The following ICOS variants were observed in gnomAD, a reference collection of about 807,000 sequenced individuals.
ICOS encodes inducible T cell costimulator, also known as inducible T-cell costimulator.
ICOS carries 15 observed loss-of-function variants against 24.6 expected under a neutral mutation model. The observed-to-expected ratio is 0.61, with a 90% CI of 0.41 to 0.94. The LOEUF (loss-of-function observed/expected upper bound fraction) is 0.94. Among genes scored for constraint, ICOS ranks in the 40% least tolerant of loss-of-function variants. ICOS has a pLI of 0.00. For missense variants in ICOS, 200 were observed against 233.0 expected (o/e 0.86, Z 0.92); for synonymous variants, 89 against 77.5 (o/e 1.15, Z -0.78).
At chr2:203,951,354 A>G (rs1689970599) in intron 1 of ICOS, among the ~76,000 whole-genome samples, 1 of 152,310 alleles carries the variant, frequency 6.6e-6, no homozygotes, top group East Asian at 1.9e-4. Flanking sequence ...TTGCAGTCTT[A>G]TCTGGATATA....
Position 203,951,822 on chromosome 2 carries a change from G to A in ICOS, c.59-3814G>A, listed in dbSNP as rs148226894. 9.1e-4 allele frequency among the ~76,000 whole-genome samples: 139 copies of A among 152,214 alleles called. 1 individual carries two copies. Among genetic ancestry groups the A allele is most frequent in the Middle Eastern group, 3.4e-3 (1 of 294 alleles). On this transcript the variant is annotated intron_variant, in intron 1 of 4. Coordinates refer to ENST00000316386, the MANE Select transcript of ICOS (RefSeq NM_012092.4). Reference sequence around the variant, plus strand: ...TCTGCAGCAGACGGTAGAGACATACGCATCAAAGCAACAGTGGGGCAACAT... The same window carrying A: ...TCTGCAGCAGACGGTAGAGACATACACATCAAAGCAACAGTGGGGCAACAT...
intron 1 of ICOS, among the ~76,000 whole-genome samples, chr2:203,952,057 A>C (rs1689987164): frequency 6.6e-6 from 1 of 152,220 alleles, no homozygotes; most frequent in Non-Finnish European, 1.5e-5. Flanking sequence ...CATATAGAAA[A>C]GTGAAAAAAA....
intron 1 of ICOS, among the ~76,000 whole-genome samples, chr2:203,946,189 A>G (rs181587525): frequency 6.6e-6 from 1 of 152,246 alleles, no homozygotes. Flanking sequence ...ATATTGATAC[A>G]AAGTTTTATA....
intron 1 of ICOS, among the ~76,000 whole-genome samples, chr2:203,946,078 G>C (rs1174389463): frequency 6.6e-6 from 1 of 152,138 alleles, no homozygotes; most frequent in African/African-American, 2.4e-5. Flanking sequence ...AGAGAGTTGG[G>C]TTCATTTAAT....
At chr2:203,942,616 G>A (rs966762486) in intron 1 of ICOS, among the ~76,000 whole-genome samples, 2 of 152,184 alleles carry the variant, frequency 1.3e-5, no homozygotes, top group African/African-American at 4.8e-5. Context: ...TGGCACCAAT[G>A]TGAATACTAC....
Position 203,956,750 on chromosome 2 carries a change from T to C in ICOS, c.486T>C (p.Cys162=), listed in dbSNP as rs757374072. 2 of 1,610,790 alleles carry C rather than the reference T, an allele frequency of 1.2e-6. No homozygotes were observed. The highest frequency in any genetic ancestry group is 1.7e-6 in the Non-Finnish European group (2 of 1,177,030). The change falls in exon 3 of 5, where the codon TGT becomes TGC. Residue 162 remains cysteine (C), a synonymous_variant. Transcript: ENST00000316386. ...GCATTTTGGGATGCATACTTATTTGTTGGCTTACAAAAAAGGTAAGCGATT... is the reference window on the plus strand; with the variant it reads ...GCATTTTGGGATGCATACTTATTTGCTGGCTTACAAAAAAGGTAAGCGATT... ...VVCILGCILI[C]WLTKKKYSSS...
At chr2:203,958,512 T>C (rs550645958) in intron 4 of ICOS, among the ~76,000 whole-genome samples, 4 of 152,168 alleles carry the variant, frequency 2.6e-5, no homozygotes, top group Admixed American at 6.5e-5. Flanking sequence ...CCCAGAAAGT[T>C]TGAAGCTTCC....
chr2:203,936,787 C>T lies in ICOS; in HGVS notation c.-28C>T, dbSNP rs747568196. 7 of 1,590,024 alleles carry T rather than the reference C, an allele frequency of 4.4e-6. No individual in the cohort carries two copies. The highest frequency in any genetic ancestry group is 2.2e-5 in the East Asian group (1 of 44,750). On this transcript the variant is annotated 5_prime_UTR_variant, in exon 1 of 5. Transcript: ENST00000316386. ...CACTGTCAGCTTTGAACACTGAACG[C>T]GAGGACTGTTAACTGTTTCTGGCAA...
At chr2:203,942,137 A>G (rs1689787996) in intron 1 of ICOS, among the ~76,000 whole-genome samples, 1 of 152,220 alleles carries the variant, frequency 6.6e-6, no homozygotes, top group Non-Finnish European at 1.5e-5. Flanking sequence ...GATCATTTAA[A>G]GGTAACTTTT....
At chr2:203,947,908 G>A (rs770157637) in intron 1 of ICOS, among the ~76,000 whole-genome samples, 4 of 152,094 alleles carry the variant, frequency 2.6e-5, no homozygotes, top group Non-Finnish European at 4.4e-5. Context: ...CCACTAACAT[G>A]CTGTGTTTAT....
chr2:203,945,991 A>T (rs537444113), intron 1 of ICOS, among the ~76,000 whole-genome samples: 1 of 152,330 alleles, frequency 6.6e-6, no homozygotes, highest in Non-Finnish European at 1.5e-5. Flanking sequence ...GGAGTTTTGC[A>T]CAGTAGCTGA....
At chr2:203,944,979 G>A (rs1028258517) in intron 1 of ICOS, among the ~76,000 whole-genome samples, 1 of 152,212 alleles carries the variant, frequency 6.6e-6, no homozygotes, top group African/African-American at 2.4e-5. Context: ...GTAAAGAACA[G>A]AAGTGTGAAA....
intron 4 of ICOS, 103 bp from the exon 5 acceptor site, chr2:203,959,482 GT>G: frequency 1.2e-6 from 1 of 859,894 alleles, no homozygotes; most frequent in Admixed American, 1.7e-5. Context: ...GTGTGTGCAC[GT>G]GTGTGTTTGT....
At chr2:203,955,185 C>T (rs982729196) in intron 1 of ICOS, among the ~76,000 whole-genome samples, 3 of 152,052 alleles carry the variant, frequency 2.0e-5, no homozygotes, top group Non-Finnish European at 2.9e-5. Flanking sequence ...AACTCACTTC[C>T]TCAAGGCGGC....
chr2:203,959,706 T>A lies in ICOS; in HGVS notation c.*107T>A. ...CCACGGAGAGTCTGACTTAACTACATACATCTTCTGCTGGTGTTTTGTTCA... is the reference window on the plus strand; with the variant it reads ...CCACGGAGAGTCTGACTTAACTACAAACATCTTCTGCTGGTGTTTTGTTCA... On this transcript the variant is annotated 3_prime_UTR_variant, in exon 5 of 5. Coordinates refer to ENST00000316386, the MANE Select transcript of ICOS (RefSeq NM_012092.4). 1.0e-6 allele frequency: 1 copy of A among 972,814 alleles called. No homozygotes were observed. Among genetic ancestry groups the A allele is most frequent in the East Asian group, 2.4e-5 (1 of 41,770 alleles). 60.3% of individuals were successfully genotyped at this position (972,814 alleles called of 1,614,324 possible). A position where few individuals can be genotyped will look rare whatever the true frequency, so the allele number is the denominator to read the frequency against.
intron 1 of ICOS, among the ~76,000 whole-genome samples, chr2:203,948,866 C>A (rs778125628): frequency 1.6e-4 from 25 of 152,094 alleles, no homozygotes; most frequent in Non-Finnish European, 3.4e-4. Context: ...TGGGAACCTG[C>A]TTTGTGTGTT....
intron 1 of ICOS, among the ~76,000 whole-genome samples, chr2:203,954,845 TATACATATA>T (rs1167103619): frequency 6.7e-6 from 1 of 149,266 alleles, no homozygotes; most frequent in East Asian, 1.9e-4. Flanking sequence ...GTAATATACA[TATACATATA>T]ATACATATAT....
At chr2:203,942,378 A>C (rs1689793966) in intron 1 of ICOS, among the ~76,000 whole-genome samples, 1 of 152,210 alleles carries the variant, frequency 6.6e-6, no homozygotes, top group African/African-American at 2.4e-5. Flanking sequence ...ATGTGAATCC[A>C]TTTCTGTACA....
rs77882417 is a variant in ICOS, at chr2:203,960,624, A to C, written c.*1025A>C. 6 of 152,178 alleles carry C rather than the reference A, an allele frequency of 3.9e-5. No individual in the cohort carries two copies. Among genetic ancestry groups the C allele is most frequent in the African/African-American group, 7.2e-5 (3 of 41,420 alleles). 9.4% of individuals were successfully genotyped at this position (152,178 alleles called of 1,614,324 possible). A position where few individuals can be genotyped will look rare whatever the true frequency, so the allele number is the denominator to read the frequency against. On this transcript the variant is annotated 3_prime_UTR_variant, in exon 5 of 5. Transcript: ENST00000316386. ...TCATCTTTAATGGGCCAGCATTCTC[A>C]TGGGGTAGAGCAGAATATTCATTTA...
Sources: gnomAD v4.1 joint callset for allele counts (sites outside exome capture counted in the v4.1 genomes callset) on GRCh38, gnomAD v4.1.1 for gene constraint, MANE v1.5 for transcripts, NCBI Gene and HGNC (gene_info 2026-07-23, HGNC 2026-07-21) for gene names.